Variants in ZNF721 observed in about 807,000 individuals in gnomAD.
ZNF721 encodes the protein zinc finger protein 721.
In ZNF721, 2 loss-of-function variants were observed where a neutral mutation model predicts 2.4. The ratio of observed to expected loss-of-function variants is 0.82; its 90% CI spans 0.34 to 2.58. The LOEUF is 2.58. ZNF721 is among the 30% of genes most tolerant of loss of function. The pLI is 0.11. For missense variants in ZNF721, 1,187 were observed against 1,085.5 expected, an observed-to-expected ratio of 1.09 and a Z score of -1.31; for synonymous variants, 398 against 381.8, an observed-to-expected ratio of 1.04 and a Z score of -0.50.
chr4:485,537 C>A (rs1715871723), intron 1 of ZNF721, among the ~76,000 whole-genome samples: 2 of 152,102 alleles, frequency 1.3e-5, no homozygotes, highest in Non-Finnish European at 2.9e-5. Flanking sequence ...AAGGCCGCAA[C>A]TCAACAGCAA....
intron 1 of ZNF721, among the ~76,000 whole-genome samples, chr4:478,279 T>C (rs1374899034): frequency 6.6e-6 from 1 of 152,204 alleles, no homozygotes; most frequent in Non-Finnish European, 1.5e-5. Flanking sequence ...TTCTACTTTC[T>C]GTTTTTATGA....
intron 1 of ZNF721, among the ~76,000 whole-genome samples, chr4:486,403 C>T (rs1304274593): frequency 2.6e-5 from 4 of 152,132 alleles, no homozygotes; most frequent in South Asian, 4.1e-4. Flanking sequence ...CATGACCGCC[C>T]GCCTTGGCCT....
At position 486,878 on chromosome 4, in the gene ZNF721, A is replaced by G. The variant is rs552037819; in HGVS notation, c.-94+12178T>C. 6.6e-5 allele frequency among the ~76,000 whole-genome samples: 10 copies of G among 152,274 alleles called. No individual in the cohort carries two copies. The East Asian group carries it at 1.5e-3, about 23-fold the overall frequency. ...CATTCCCTGGAGTGAATTATTTCCA[A>G]TGGTGAAGAGTAATGGATGGATGGG... On this transcript the variant is annotated intron_variant, in intron 1 of 2. Transcript: ENST00000511833.
chr4:477,331 G>A (rs1715651669), intron 1 of ZNF721, among the ~76,000 whole-genome samples: 2 of 147,026 alleles, frequency 1.4e-5, no homozygotes, highest in South Asian at 4.3e-4. Flanking sequence ...TCCGCCTCCT[G>A]GGTTCATGCC....
At chr4:445,679 AAAG>A (rs1276983144) in intron 2 of ZNF721, among the ~76,000 whole-genome samples, 1 of 152,214 alleles carries the variant, frequency 6.6e-6, no homozygotes, top group Non-Finnish European at 1.5e-5. Flanking sequence ...AAACATAAAA[AAAG>A]GAGGTGAAAA....
intron 2 of ZNF721, among the ~76,000 whole-genome samples, chr4:452,697 C>G (rs781804129): frequency 7.9e-5 from 12 of 152,040 alleles, no homozygotes; most frequent in African/African-American, 2.4e-4. Flanking sequence ...GGTTTTGGAC[C>G]CAGAAACTGC....
At chr4:458,111 C>T (rs952693181) in intron 2 of ZNF721, among the ~76,000 whole-genome samples, 28 of 152,332 alleles carry the variant, frequency 1.8e-4, no homozygotes, top group African/African-American at 6.3e-4. Flanking sequence ...CTCGCAAGAG[C>T]GACACAGCGG....
chr4:471,540 T>C (rs1480909919), intron 2 of ZNF721, among the ~76,000 whole-genome samples: 1 of 152,172 alleles, frequency 6.6e-6, no homozygotes, highest in Non-Finnish European at 1.5e-5. Flanking sequence ...ATGGCGATTG[T>C]TAGTGCCTAA....
intron 2 of ZNF721, among the ~76,000 whole-genome samples, chr4:450,951 AAAAAAATATATAT>A (rs1252215395): frequency 8.0e-5 from 4 of 50,226 alleles, no homozygotes; most frequent in Admixed American, 5.6e-4. Context: ...AAAAAAAAAA[AAAAAAATATATAT>A]ATATATATAT....
intron 1 of ZNF721, among the ~76,000 whole-genome samples, chr4:491,488 T>C (rs1716022158): frequency 6.6e-6 from 1 of 152,194 alleles, no homozygotes; most frequent in Non-Finnish European, 1.5e-5. Flanking sequence ...GGTGATACAC[T>C]TTGGAAGGAC....
chr4:498,120 G>C (rs2108730252), intron 1 of ZNF721, among the ~76,000 whole-genome samples: 1 of 149,014 alleles, frequency 6.7e-6, no homozygotes, highest in East Asian at 2.0e-4. Context: ...CAGGAGAATT[G>C]CTTGAACCCG....
chr4:488,558 G>A (rs1234237852), intron 1 of ZNF721, among the ~76,000 whole-genome samples: 8 of 152,282 alleles, frequency 5.3e-5, no homozygotes, highest in South Asian at 2.1e-4. Context: ...GAAACCGGGC[G>A]CAGTAGCTCA....
At chr4:473,036 C>T (rs1708149161) in intron 1 of ZNF721, among the ~76,000 whole-genome samples, 1 of 151,952 alleles carries the variant, frequency 6.6e-6, no homozygotes, top group Admixed American at 6.6e-5. Flanking sequence ...CTATAATATG[C>T]GAGGAACTTA....
chr4:450,920 G>C (rs1191458142), intron 2 of ZNF721, among the ~76,000 whole-genome samples: 1 of 107,568 alleles, frequency 9.3e-6, no homozygotes, highest in Non-Finnish European at 1.7e-5. Context: ...CTGGGCGACA[G>C]AGCAAGACTC....
At position 440,039 on chromosome 4, in the gene ZNF721, T is replaced by TA. The variant is rs782227531; in HGVS notation, c.*1655dup. The TA allele has an allele frequency of 6.6e-6, 1 of 152,146 alleles. No homozygotes were observed. 9.4% of individuals were successfully genotyped at this position (152,146 alleles called of 1,614,324 possible). On this transcript the variant is annotated 3_prime_UTR_variant, in exon 3 of 3. Transcript: ENST00000511833. ...CAAAAATTAAGTTCACACATTATCT[T>TA]AAGAGAATTTTAAAATTTACTGCAT...
chr4:475,053 G>A (rs1456004823), intron 1 of ZNF721, among the ~76,000 whole-genome samples: 3 of 151,964 alleles, frequency 2.0e-5, no homozygotes, highest in Non-Finnish European at 4.4e-5. Context: ...CGGGCGTGGT[G>A]GGGGGCGCCT....
At chr4:458,156 C>T (rs185039659) in intron 2 of ZNF721, among the ~76,000 whole-genome samples, 149 of 152,342 alleles carry the variant, frequency 9.8e-4, no homozygotes, top group African/African-American at 3.4e-3. Flanking sequence ...TGTATCAGCA[C>T]CTTAATCTGC....
At chr4:484,852 C>G (rs1240305813) in intron 1 of ZNF721, among the ~76,000 whole-genome samples, 1 of 152,182 alleles carries the variant, frequency 6.6e-6, no homozygotes, top group South Asian at 2.1e-4. Flanking sequence ...CTGTTAAGTA[C>G]TTGAAGTCTG....
intron 1 of ZNF721, among the ~76,000 whole-genome samples, chr4:495,371 A>G (rs1392235589): frequency 6.6e-6 from 1 of 151,678 alleles, no homozygotes; most frequent in East Asian, 1.9e-4. Context: ...GGAGAGAAAA[A>G]CAAAAACCAA....
Sources: gnomAD v4.1 joint callset for allele counts (sites outside exome capture counted in the v4.1 genomes callset) on GRCh38, gnomAD v4.1.1 for gene constraint, MANE v1.5 for transcripts, NCBI Gene and HGNC (gene_info 2026-07-23, HGNC 2026-07-21) for gene names.